The following AKAP19 variants were observed in gnomAD, a reference collection of about 807,000 sequenced individuals.
The protein encoded by AKAP19 is small A-kinase anchoring protein.
the AKAP19 span, among the ~76,000 whole-genome samples, chr2:190,074,765 ATAAATGGTATTGG>A: frequency 6.6e-6 from 1 of 152,368 alleles, no homozygotes; most frequent in South Asian, 2.1e-4. Flanking sequence ...GGACTATATA[ATAAATGGTATTGG>A]GACAGAAAAC....
At chr2:189,939,393 A>G in the AKAP19 span, among the ~76,000 whole-genome samples, 2 of 152,178 alleles carry the variant, frequency 1.3e-5, no homozygotes, top group Non-Finnish European at 2.9e-5. Context: ...TTAGTGCCAA[A>G]AAAGAGTCTA....
the AKAP19 span, among the ~76,000 whole-genome samples, chr2:189,987,065 A>C: frequency 6.6e-6 from 1 of 152,192 alleles, no homozygotes; most frequent in Non-Finnish European, 1.5e-5. Flanking sequence ...GCCTACTGAT[A>C]TGGTTTGGCT....
the AKAP19 span, chr2:190,060,192 A>T: frequency 6.2e-7 from 1 of 1,613,036 alleles, no homozygotes; most frequent in Non-Finnish European, 8.5e-7. Flanking sequence ...CTTCACATCA[A>T]TGCTCTGCCA....
the AKAP19 span, among the ~76,000 whole-genome samples, chr2:190,095,158 G>T: frequency 6.6e-6 from 1 of 152,080 alleles, no homozygotes; most frequent in Non-Finnish European, 1.5e-5. Flanking sequence ...GGAGGCGGAG[G>T]TTACAGTGAG....
At chr2:189,907,826 C>T in the AKAP19 span, among the ~76,000 whole-genome samples, 3 of 152,134 alleles carry the variant, frequency 2.0e-5, no homozygotes, top group African/African-American at 7.2e-5. Context: ...CCCATTACCT[C>T]TGGGTTATCC....
chr2:190,194,816 G>A, the AKAP19 span, among the ~76,000 whole-genome samples: 2 of 151,938 alleles, frequency 1.3e-5, no homozygotes, highest in African/African-American at 4.8e-5. Flanking sequence ...GCTTAACTTA[G>A]TAATAAGTAT....
chr2:190,158,115 C>T, the AKAP19 span, among the ~76,000 whole-genome samples: 5 of 152,210 alleles, frequency 3.3e-5, no homozygotes, highest in Non-Finnish European at 7.3e-5. Context: ...CATGCAGCCC[C>T]TGTCACGTAC....
chr2:189,961,534 CAT>C, the AKAP19 span, among the ~76,000 whole-genome samples: 1 of 152,150 alleles, frequency 6.6e-6, no homozygotes, highest in Non-Finnish European at 1.5e-5. Flanking sequence ...CTCTTTAAAA[CAT>C]ATATTTTATA....
chr2:190,049,520 G>A, the AKAP19 span, among the ~76,000 whole-genome samples: 14 of 152,198 alleles, frequency 9.2e-5, no homozygotes, highest in Non-Finnish European at 1.8e-4. Context: ...AATTTTTCAC[G>A]AACCCACATG....
At chr2:189,934,244 C>G in the AKAP19 span, among the ~76,000 whole-genome samples, 3 of 151,988 alleles carry the variant, frequency 2.0e-5, no homozygotes, top group Non-Finnish European at 4.4e-5. Flanking sequence ...GTAGCTGTAA[C>G]ATCACATTTT....
the AKAP19 span, among the ~76,000 whole-genome samples, chr2:190,063,123 G>C: frequency 1.3e-5 from 2 of 151,764 alleles, no homozygotes; most frequent in African/African-American, 4.8e-5. Context: ...ATATTGTTTA[G>C]GCAAGTATTT....
the AKAP19 span, among the ~76,000 whole-genome samples, chr2:190,159,613 C>G: frequency 6.6e-6 from 1 of 152,084 alleles, no homozygotes; most frequent in Non-Finnish European, 1.5e-5. Context: ...TTCTCTCGTC[C>G]CTAAGGTCCT....
At chr2:189,978,914 C>T in the AKAP19 span, among the ~76,000 whole-genome samples, 2 of 151,920 alleles carry the variant, frequency 1.3e-5, no homozygotes, top group Non-Finnish European at 2.9e-5. Flanking sequence ...GTATACCAAA[C>T]ACTGATGAAA....
At chr2:190,202,804 T>C in the AKAP19 span, 1 of 167,048 alleles carries the variant, frequency 6.0e-6, no homozygotes, top group Non-Finnish European at 1.5e-5. Context: ...AGAAAATAAA[T>C]GTGCAAATTC....
the AKAP19 span, chr2:190,181,259 C>G: frequency 8.4e-6 from 5 of 592,786 alleles, no homozygotes; most frequent in South Asian, 2.2e-4. Flanking sequence ...AGCCAGCTGC[C>G]GTGGATAGAG....
chr2:190,058,308 C>T, the AKAP19 span, among the ~76,000 whole-genome samples: 1 of 151,944 alleles, frequency 6.6e-6, no homozygotes, highest in Admixed American at 6.6e-5. Context: ...CTGAGGAACA[C>T]AACATATTAA....
the AKAP19 span, among the ~76,000 whole-genome samples, chr2:189,926,307 T>G: frequency 3.3e-5 from 5 of 152,210 alleles, no homozygotes; most frequent in African/African-American, 1.2e-4. Flanking sequence ...TGTTTTTTGT[T>G]TTTTTGAGAC....
the AKAP19 span, among the ~76,000 whole-genome samples, chr2:189,882,989 C>T: frequency 6.6e-6 from 1 of 151,890 alleles, no homozygotes; most frequent in African/African-American, 2.4e-5. Flanking sequence ...GAGGTTTTCT[C>T]TGCTTACCTG....
chr2:190,090,501 A>C, the AKAP19 span, among the ~76,000 whole-genome samples: 2,182 of 152,294 alleles, frequency 0.014, 56 homozygotes, highest in African/African-American at 0.049. Flanking sequence ...ATTCTTCCCA[A>C]GTGGATTGAG....
Sources: allele counts gnomAD v4.1 joint callset (sites outside exome capture counted in the v4.1 genomes callset), GRCh38; gene constraint gnomAD v4.1.1; transcripts MANE v1.5; gene names NCBI Gene and HGNC (gene_info 2026-07-23, HGNC 2026-07-21).